The following BCAS3 variants were observed in gnomAD, a reference collection of about 807,000 sequenced individuals.
BCAS3 encodes the protein BCAS4/BCAS3 fusion.
A neutral mutation model predicts 116.1 loss-of-function variants in BCAS3; 53 were observed. The observed-to-expected ratio is 0.46, with a 90% CI of 0.37 to 0.57. The LOEUF (loss-of-function observed/expected upper bound fraction) is 0.57. BCAS3 is among the 20% of genes least tolerant of loss of function. BCAS3 has a pLI of 0.00. For synonymous variants in BCAS3, 391 were observed against 408.2 expected (o/e 0.96, Z 0.51); for missense variants, 917 against 1,165.4 (o/e 0.79, Z 3.10).
At chr17:61,081,477 T>C (rs1047675870) in intron 21 of BCAS3, among the ~76,000 whole-genome samples, 1 of 152,222 alleles carries the variant, frequency 6.6e-6, no homozygotes, top group African/African-American at 2.4e-5. Flanking sequence ...CCAAATTTTG[T>C]TTAAATCTAA....
intron 22 of BCAS3, among the ~76,000 whole-genome samples, chr17:61,358,739 G>T (rs564603170): frequency 2.0e-5 from 3 of 151,788 alleles, no homozygotes; most frequent in Admixed American, 6.6e-5. Context: ...CAGGTGATCC[G>T]CCTGCCTCAG....
chr17:60,756,470 CT>C (rs1300828955), intron 6 of BCAS3, among the ~76,000 whole-genome samples: 13 of 152,330 alleles, frequency 8.5e-5, no homozygotes, highest in African/African-American at 3.1e-4. Flanking sequence ...ATCCTATTCT[CT>C]GTCTCCATGA....
chr17:60,889,696 C>T lies in BCAS3; in HGVS notation c.663C>T (p.Ser221=). The stretch of plus-strand genomic sequence containing the variant: ...ATAGTGCCATTTGAAATTTTTCAGG[C>T]TGCTATCCATGTCCAGGGCCAAACA... The part of the protein sequence containing the change: ...CTFTKKFFVT[S]CYPCPGPNMN... Residue 221 remains serine, a splice_region_variant and synonymous_variant, in exon 10 of 24, where the codon AGC becomes AGT. Coordinates refer to ENST00000407086, the MANE Select transcript of BCAS3 (RefSeq NM_017679.5). The T allele has an allele frequency of 1.2e-6, 2 of 1,612,642 alleles. No homozygotes were observed. The highest frequency in any genetic ancestry group is 1.1e-5 in the South Asian group (1 of 90,992).
intron 6 of BCAS3, among the ~76,000 whole-genome samples, chr17:60,760,105 C>T (rs1331123867): frequency 6.6e-6 from 1 of 152,178 alleles, no homozygotes; most frequent in East Asian, 1.9e-4. Context: ...AGCCATCATA[C>T]TTGTATCATG....
intron 22 of BCAS3, among the ~76,000 whole-genome samples, chr17:61,193,563 G>C (rs952309051): frequency 6.6e-6 from 1 of 151,576 alleles, no homozygotes; most frequent in East Asian, 2.0e-4. Flanking sequence ...TTTGAGACCA[G>C]TCTGACCAAC....
chr17:61,221,196 C>T (rs992406913), intron 22 of BCAS3, among the ~76,000 whole-genome samples: 2 of 152,168 alleles, frequency 1.3e-5, no homozygotes, highest in Non-Finnish European at 2.9e-5. Context: ...CATCACTTTC[C>T]CTTTCAGGGA....
intron 7 of BCAS3, among the ~76,000 whole-genome samples, chr17:60,830,117 G>A (rs2050784529): frequency 6.6e-6 from 1 of 152,096 alleles, no homozygotes; most frequent in Admixed American, 6.6e-5. Flanking sequence ...TCAGCTGCCT[G>A]AATAACTGGG....
intron 6 of BCAS3, among the ~76,000 whole-genome samples, chr17:60,797,362 A>G (rs1328862733): frequency 1.3e-5 from 2 of 151,066 alleles, no homozygotes; most frequent in African/African-American, 2.4e-5. Flanking sequence ...TTTTACTTTT[A>G]TTTATTTATT....
chr17:61,311,866 C>T (rs1447445676), intron 22 of BCAS3, among the ~76,000 whole-genome samples: 5 of 151,726 alleles, frequency 3.3e-5, no homozygotes, highest in African/African-American at 1.2e-4. Flanking sequence ...TGCACTCCAG[C>T]CTGGGTGACA....
chr17:61,237,313 A>C (rs1203026565), intron 22 of BCAS3, among the ~76,000 whole-genome samples: 1 of 152,232 alleles, frequency 6.6e-6, no homozygotes. Context: ...AAAATGCCCC[A>C]ATCAGTGCTC....
intron 11 of BCAS3, among the ~76,000 whole-genome samples, chr17:60,906,546 G>A (rs923139949): frequency 7.9e-5 from 12 of 152,096 alleles, no homozygotes; most frequent in African/African-American, 2.9e-4. Context: ...TAGTTTCTTA[G>A]CACCCTACCT....
At chr17:61,284,055 CT>C (rs1412576423) in intron 22 of BCAS3, among the ~76,000 whole-genome samples, 3 of 152,162 alleles carry the variant, frequency 2.0e-5, no homozygotes, top group African/African-American at 7.2e-5. Context: ...GAGAACTTTT[CT>C]GTCTAGCTAA....
At chr17:61,137,262 C>T (rs563593763) in intron 22 of BCAS3, among the ~76,000 whole-genome samples, 1 of 152,264 alleles carries the variant, frequency 6.6e-6, no homozygotes, top group East Asian at 1.9e-4. Context: ...AGGTAACTAG[C>T]AAGCATATAT....
rs1601530556 is a variant in BCAS3, at chr17:61,139,689, A to G, written c.2425+55125A>G. The stretch of plus-strand genomic sequence containing the variant: ...TAAAAGTCATCATGCTACATGATGT[A>G]GGGAATATAAAAAATGAAGAAGGCA... On this transcript the variant is annotated intron_variant, in intron 22 of 23. Coordinates refer to ENST00000407086, the MANE Select transcript of BCAS3 (RefSeq NM_017679.5). This position sits in a 1 kb window ranked among gnomAD's most constrained non-coding sequence, Gnocchi z 4.7. 6.6e-6 allele frequency among the ~76,000 whole-genome samples: 1 copy of G among 152,218 alleles called. No individual in the cohort carries two copies. The highest frequency in any genetic ancestry group is 2.1e-4 in the South Asian group (1 of 4,830).
rs1008265963 is a variant in BCAS3 at position 61,315,326 on chromosome 17, G to A, written c.2426-53001G>A. ...GACAGGGTTTCACCATGTTGGCCTG[G>A]ATGGATGGTCTCAAACTCCTGACCT... On this transcript the variant is annotated intron_variant, in intron 22 of 23. Transcript: ENST00000407086. The surrounding 1 kb of genome is among the most constrained non-coding windows in gnomAD (Gnocchi z 5.3). Among the ~76,000 whole-genome samples, 1 of 152,028 alleles carries A rather than the reference G, an allele frequency of 6.6e-6. No homozygotes were observed. The highest frequency in any genetic ancestry group is 6.6e-5 in the Admixed American group (1 of 15,256).
intron 5 of BCAS3, among the ~76,000 whole-genome samples, chr17:60,718,254 T>C: frequency 6.7e-6 from 1 of 149,876 alleles, no homozygotes; most frequent in South Asian, 2.1e-4. Flanking sequence ...TTTACTATAC[T>C]TTTTTTTTTC....
intron 7 of BCAS3, among the ~76,000 whole-genome samples, chr17:60,864,609 C>T (rs773270882): frequency 6.6e-6 from 1 of 152,146 alleles, no homozygotes; most frequent in Non-Finnish European, 1.5e-5. Context: ...CGGCAATAAG[C>T]CTGTTTCACT....
chr17:61,317,959 C>T (rs575868366), intron 22 of BCAS3, among the ~76,000 whole-genome samples: 1 of 96,626 alleles, frequency 1.0e-5, no homozygotes, highest in Admixed American at 1.0e-4. Context: ...AGAGCCTGAA[C>T]GAATGCCATA....
In BCAS3 at chr17:61,366,321, A is replaced by G. The variant is rs2058730171; in HGVS notation, c.2426-2006A>G. ...GTGCTGGAAGTGGGGACTTTGCTTA[A>G]TCTCTTCACTCCTGTGAGACAGGGC... On this transcript the variant is annotated intron_variant, in intron 22 of 23. Coordinates refer to ENST00000407086, the MANE Select transcript of BCAS3 (RefSeq NM_017679.5). This position sits in a 1 kb window ranked among gnomAD's most constrained non-coding sequence, Gnocchi z 4.5. Among the ~76,000 whole-genome samples the G allele has an allele frequency of 6.6e-6, 1 of 152,208 alleles. No individual in the cohort carries two copies. The highest frequency in any genetic ancestry group is 2.4e-5 in the African/African-American group (1 of 41,438).
Sources: allele counts gnomAD v4.1 joint callset (sites outside exome capture counted in the v4.1 genomes callset), GRCh38; gene constraint gnomAD v4.1.1; non-coding constraint Gnocchi (gnomAD v3.1); transcripts MANE v1.5; gene names NCBI Gene and HGNC (gene_info 2026-07-23, HGNC 2026-07-21).